The following GRAMD2B variants were observed in gnomAD, a reference collection of about 807,000 sequenced individuals.
GRAMD2B encodes GRAM domain-containing protein 2B.
Under a neutral mutation model 59.2 loss-of-function variants are expected in GRAMD2B, and 41 were observed. The ratio of observed to expected loss-of-function variants is 0.69; its 90% CI spans 0.54 to 0.90. The LOEUF is 0.90. Ranked by LOEUF, GRAMD2B falls within the 40% of genes least tolerant of loss-of-function variation. The probability of loss-of-function intolerance (pLI) is 0.00; values close to 1 mark genes in which losing one functional copy is unlikely to be tolerated. For synonymous variants in GRAMD2B, 161 were observed against 182.7 expected (o/e 0.88, Z 0.96); for missense variants, 424 against 500.5 (o/e 0.85, Z 1.46).
chr5:126,413,509 A>G (rs1561491070), intron 1 of GRAMD2B, among the ~76,000 whole-genome samples: 2 of 152,014 alleles, frequency 1.3e-5, no homozygotes, highest in Non-Finnish European at 2.9e-5. Context: ...TTGAGACTGA[A>G]CATGAGATTG....
At chr5:126,467,146 G>A (rs1016316886) in intron 2 of GRAMD2B, among the ~76,000 whole-genome samples, 4 of 151,992 alleles carry the variant, frequency 2.6e-5, no homozygotes, top group African/African-American at 4.8e-5. Flanking sequence ...AAAATTAGCC[G>A]GGTGTGGTAG....
upstream of GRAMD2B, among the ~76,000 whole-genome samples, chr5:126,422,781 A>T (rs1759878643): frequency 6.6e-6 from 1 of 152,220 alleles, no homozygotes; most frequent in African/African-American, 2.4e-5. Context: ...CATAGTAAAT[A>T]AGGTACTTGC....
chr5:126,410,414 A>G (rs2149755943), intron 1 of GRAMD2B, among the ~76,000 whole-genome samples: 1 of 151,580 alleles, frequency 6.6e-6, no homozygotes, highest in East Asian at 1.9e-4. Flanking sequence ...CGTCCCTTGT[A>G]AGTTGGATTC....
At chr5:126,420,828 C>A (rs6893621), upstream of GRAMD2B, among the ~76,000 whole-genome samples, 122,049 of 152,106 alleles carry the variant, frequency 0.8, 49,488 homozygotes, top group East Asian at 0.91. Context: ...AAGCTAGAAA[C>A]AACCCAAGGG....
chr5:126,470,652 G>A (rs936318831), intron 3 of GRAMD2B, among the ~76,000 whole-genome samples: 2 of 151,770 alleles, frequency 1.3e-5, no homozygotes, highest in African/African-American at 4.8e-5. Flanking sequence ...TCCACCTCCC[G>A]GGTTTAAGTG....
intron 1 of GRAMD2B, among the ~76,000 whole-genome samples, chr5:126,387,148 G>A (rs1292771065): frequency 6.6e-6 from 1 of 151,856 alleles, no homozygotes; most frequent in African/African-American, 2.4e-5. Flanking sequence ...CCATATGACT[G>A]AAGTCCATAT....
rs993088536 is a variant in GRAMD2B, at chr5:126,472,231, A to G, written c.316-7A>G. 1.9e-6 allele frequency: 3 copies of G among 1,608,822 alleles called. No homozygotes were observed. The East Asian group carries it at 6.7e-5, about 36-fold the overall frequency. ...ATGGTGATGCTTGTATTTTGTTCTC[A>G]TTGTAGTACAAGGCCAATATGCACT... On this transcript the variant is annotated splice_region_variant and splice_polypyrimidine_tract_variant and intron_variant, in intron 3 of 13. Coordinates refer to ENST00000285689, the MANE Select transcript of GRAMD2B (RefSeq NM_023927.4).
chr5:126,466,446 G>A (rs1768432973), intron 2 of GRAMD2B: 2 of 675,502 alleles, frequency 3.0e-6, no homozygotes, highest in Non-Finnish European at 5.4e-6. Flanking sequence ...TTTTTTTCCA[G>A]TCGGAGTCTC....
chr5:126,462,147 T>A (rs1290778697), intron 1 of GRAMD2B, among the ~76,000 whole-genome samples: 2 of 152,226 alleles, frequency 1.3e-5, no homozygotes, highest in Non-Finnish European at 2.9e-5. Context: ...GGTTTGTTTT[T>A]TCAGTTGACT....
At chr5:126,456,525 G>A (rs1389400291) in intron 1 of GRAMD2B, among the ~76,000 whole-genome samples, 1 of 152,052 alleles carries the variant, frequency 6.6e-6, no homozygotes, top group Non-Finnish European at 1.5e-5. Context: ...ACTTCTAACT[G>A]TACCCAGTTT....
chr5:126,445,899 G>A (rs906066481), intron 1 of GRAMD2B, among the ~76,000 whole-genome samples: 5 of 152,156 alleles, frequency 3.3e-5, no homozygotes, highest in African/African-American at 1.2e-4. Context: ...GCCAGAGCAG[G>A]AAGGGCAAGA....
chr5:126,369,899 A>C (rs1038612629), upstream of GRAMD2B, among the ~76,000 whole-genome samples: 1 of 152,224 alleles, frequency 6.6e-6, no homozygotes, highest in African/African-American at 2.4e-5. Flanking sequence ...GGTTGTTGCT[A>C]TTGTATGAGG....
At chr5:126,491,979 C>T (rs1774021052) in intron 13 of GRAMD2B, among the ~76,000 whole-genome samples, 1 of 152,166 alleles carries the variant, frequency 6.6e-6, no homozygotes, top group Non-Finnish European at 1.5e-5. Context: ...GTGATCTGCC[C>T]ACTTCATCCT....
At chr5:126,463,177 C>T (rs972235989) in intron 1 of GRAMD2B, among the ~76,000 whole-genome samples, 1 of 152,212 alleles carries the variant, frequency 6.6e-6, no homozygotes, top group Non-Finnish European at 1.5e-5. Flanking sequence ...CTGCCAGGAG[C>T]ACCTTTTGCA....
intron 1 of GRAMD2B, among the ~76,000 whole-genome samples, chr5:126,364,403 C>T (rs1754350265): frequency 1.3e-5 from 2 of 152,166 alleles, no homozygotes. Context: ...CAGCTAATGC[C>T]TCAGAGTAAA....
chr5:126,409,228 GTA>G (rs1231852013), intron 1 of GRAMD2B, among the ~76,000 whole-genome samples: 3 of 152,160 alleles, frequency 2.0e-5, no homozygotes, highest in Admixed American at 6.5e-5. Context: ...AGGTCAAATA[GTA>G]TTTCTAGTTC....
intron 1 of GRAMD2B, among the ~76,000 whole-genome samples, chr5:126,443,841 A>C (rs932120004): frequency 1.3e-5 from 2 of 152,102 alleles, no homozygotes; most frequent in African/African-American, 4.8e-5. Context: ...CCTGAGGTCA[A>C]GAGTTCGAGA....
intron 1 of GRAMD2B, among the ~76,000 whole-genome samples, chr5:126,403,876 C>A (rs990329601): frequency 1.3e-5 from 2 of 151,728 alleles, no homozygotes; most frequent in Non-Finnish European, 1.5e-5. Flanking sequence ...AACAAACCAA[C>A]TTATAAAGTT....
intron 1 of GRAMD2B, among the ~76,000 whole-genome samples, chr5:126,371,899 G>T (rs571047002): frequency 2.2e-4 from 33 of 152,122 alleles, no homozygotes; most frequent in African/African-American, 7.9e-4. Flanking sequence ...AAAACAAATC[G>T]TTGAACCCCA....
Sources: allele counts gnomAD v4.1 joint callset (sites outside exome capture counted in the v4.1 genomes callset), GRCh38; gene constraint gnomAD v4.1.1; transcripts MANE v1.5; gene names NCBI Gene and HGNC (gene_info 2026-07-23, HGNC 2026-07-21).